TMEM131L: variants seen among roughly 807,000 people sequenced by gnomAD.
The protein encoded by TMEM131L is transmembrane 131 like, also known as transmembrane protein 131-like.
TMEM131L carries 54 observed loss-of-function variants against 192.2 expected under a neutral mutation model. The observed-to-expected ratio is 0.28, with a 90% CI of 0.23 to 0.35. The LOEUF is 0.35. Ranked by LOEUF, TMEM131L falls within the 10% of genes least tolerant of loss-of-function variation. The probability of loss-of-function intolerance (pLI) is 1.00; values close to 1 mark genes in which losing one functional copy is unlikely to be tolerated. For synonymous variants in TMEM131L, 701 were observed against 704.9 expected (o/e 0.99, Z 0.09); for missense variants, 1,888 against 1,972.9 (o/e 0.96, Z 0.82).
At chr4:153,543,532 T>C (rs1202742696) in intron 3 of TMEM131L, among the ~76,000 whole-genome samples, 1 of 152,212 alleles carries the variant, frequency 6.6e-6, no homozygotes, top group Non-Finnish European at 1.5e-5. Flanking sequence ...AGTGAGAGCC[T>C]GGGGAAGGCC....
chr4:153,544,060 C>T (rs183163271), intron 3 of TMEM131L, among the ~76,000 whole-genome samples: 9 of 151,490 alleles, frequency 5.9e-5, no homozygotes, highest in East Asian at 1.9e-4. Context: ...CAACATCCAG[C>T]GGCTAAAGCC....
chr4:153,473,853 T>C lies in TMEM131L; in HGVS notation c.204T>C (p.Ser68=). 1 of 1,543,968 alleles carries C rather than the reference T, an allele frequency of 6.5e-7. No individual in the cohort carries two copies. Among genetic ancestry groups the C allele is most frequent in the Non-Finnish European group, 8.7e-7 (1 of 1,144,164 alleles). Residue 68 remains serine (S), a synonymous_variant, in exon 3 of 35, where the codon TCT becomes TCC. Coordinates refer to ENST00000409959, the MANE Select transcript of TMEM131L (RefSeq NM_001131007.2). ...GELLLPTQGD[S]EEGLEEPSQE... Reference sequence around the variant, plus strand: ...ATGTTCTTTTTCAATAGGGTGATTCTGAAGAGGGTCTGGAGGAGCCTTCTC... The same window carrying C: ...ATGTTCTTTTTCAATAGGGTGATTCCGAAGAGGGTCTGGAGGAGCCTTCTC...
intron 2 of TMEM131L, among the ~76,000 whole-genome samples, chr4:153,468,098 G>T (rs1730894793): frequency 6.6e-6 from 1 of 152,146 alleles, no homozygotes; most frequent in South Asian, 2.1e-4. Flanking sequence ...TACTTCCCAC[G>T]GTGGTGGCAG....
At chr4:153,624,252 G>A (rs918259833) in intron 29 of TMEM131L, among the ~76,000 whole-genome samples, 12 of 151,970 alleles carry the variant, frequency 7.9e-5, no homozygotes, top group African/African-American at 2.9e-4. Flanking sequence ...CCAAGTAGCT[G>A]GGGTTACAGG....
chr4:153,632,569 T>TA, intron 31 of TMEM131L, 149 bp from the exon 32 acceptor site: 1 of 801,442 alleles, frequency 1.2e-6, no homozygotes, highest in Non-Finnish European at 2.0e-6. Context: ...ATTTCAGAAT[T>TA]ATATCCTGAA....
intron 20 of TMEM131L, 27 bp downstream of exon 20, chr4:153,596,412 G>C: frequency 6.2e-7 from 1 of 1,610,838 alleles, no homozygotes; most frequent in Non-Finnish European, 8.5e-7. Flanking sequence ...TGTAGAATCT[G>C]TTTCTTTCTC....
intron 3 of TMEM131L, among the ~76,000 whole-genome samples, chr4:153,489,956 C>T (rs996754254): frequency 6.6e-6 from 1 of 151,798 alleles, no homozygotes. Flanking sequence ...AAACTTGTTT[C>T]ATTATCAGTT....
Position 153,596,287 on chromosome 4 carries a change from C to T in TMEM131L, c.2025C>T (p.Gly675=), listed in dbSNP as rs369025691. The T allele has an allele frequency of 9.9e-6, 16 of 1,613,708 alleles. No homozygotes were observed. The African/African-American group carries it at 1.3e-4, about 13-fold the overall frequency. ...LGTHSEESRF[G]ILHLHLQPLE... is the part of the protein sequence containing the mutation. The stretch of plus-strand genomic sequence containing the variant: ...CGCATTCTGAGGAATCCAGGTTTGG[C>T]ATCCTCCACTTACATCTGCAGCCTT... The change falls in exon 20 of 35, where the codon GGC becomes GGT. Residue 675 remains glycine (G), a synonymous_variant. Coordinates refer to ENST00000409959, the MANE Select transcript of TMEM131L (RefSeq NM_001131007.2).
At chr4:153,519,180 G>A (rs1734941497) in intron 3 of TMEM131L, among the ~76,000 whole-genome samples, 1 of 152,134 alleles carries the variant, frequency 6.6e-6, no homozygotes, top group African/African-American at 2.4e-5. Context: ...GGTGTAGGCT[G>A]TGTGGGGTAC....
chr4:153,590,600 A>G (rs1180244534), intron 16 of TMEM131L, among the ~76,000 whole-genome samples: 1 of 152,224 alleles, frequency 6.6e-6, no homozygotes, highest in Non-Finnish European at 1.5e-5. Flanking sequence ...TGCCAGAATC[A>G]ATTGTTAGAC....
chr4:153,581,542 G>C lies in TMEM131L; in HGVS notation c.874G>C (p.Asp292His). Residue 292 changes from aspartate to histidine, a missense_variant, in exon 9 of 35, where the codon GAT becomes CAT. By Grantham distance (81) the Asp-to-His change is moderately conservative (BLOSUM62 -1). Coordinates refer to ENST00000409959, the MANE Select transcript of TMEM131L (RefSeq NM_001131007.2). ...DHLSIVYVAT[D>H]ESETSDDSAV... ...TCTCTCTATTGTTTACGTAGCTACA[G>C]ATGAATCTGAGACCTCAGGTAAGGT... 1 of 1,566,410 alleles carries C rather than the reference G, an allele frequency of 6.4e-7. No homozygotes were observed.
chr4:153,636,505 T>C lies in TMEM131L; in HGVS notation c.4762T>C (p.Trp1588Arg), dbSNP rs749534068. The change falls in exon 35 of 35, where the codon TGG becomes CGG. Residue 1588 changes from tryptophan (W) to arginine (R), a missense_variant. Physicochemically the swap from Trp to Arg is moderately radical, Grantham distance 101. Coordinates refer to ENST00000409959, the MANE Select transcript of TMEM131L (RefSeq NM_001131007.2). ...PFRAYMNLDI[W>R]TTTANRNANF... Reference sequence around the variant, plus strand: ...TCGCGCCTATATGAACCTGGACATATGGACTACCACAGCGAATAGGAATGC... The same window carrying C: ...TCGCGCCTATATGAACCTGGACATACGGACTACCACAGCGAATAGGAATGC... 31 of 1,614,094 alleles carry C rather than the reference T, an allele frequency of 1.9e-5. No individual in the cohort carries two copies. In the East Asian group the frequency reaches 2.2e-4, roughly 12 times the overall value.
intron 26 of TMEM131L, among the ~76,000 whole-genome samples, chr4:153,618,258 T>A (rs1167204898): frequency 1.3e-5 from 2 of 151,956 alleles, no homozygotes; most frequent in Non-Finnish European, 2.9e-5. Context: ...GAGAATCTCT[T>A]GAACCCAGGA....
chr4:153,548,918 T>C (rs1363728612), intron 3 of TMEM131L, among the ~76,000 whole-genome samples: 1 of 152,172 alleles, frequency 6.6e-6, no homozygotes, highest in Non-Finnish European at 1.5e-5. Flanking sequence ...GCTTGGTTGA[T>C]GGCTGCTCGG....
chr4:153,498,326 G>A (rs955992571), intron 3 of TMEM131L, among the ~76,000 whole-genome samples: 1 of 152,208 alleles, frequency 6.6e-6, no homozygotes, highest in African/African-American at 2.4e-5. Flanking sequence ...CTTACGGACA[G>A]AGAGGCAGGG....
At chr4:153,626,338 T>C (rs1733842228) in intron 30 of TMEM131L, 113 bp downstream of exon 30, 3 of 676,096 alleles carry the variant, frequency 4.4e-6, no homozygotes. Context: ...GAAAACTTTT[T>C]AAAGATGCAG....
chr4:153,585,689 A>G (rs1578803688), intron 13 of TMEM131L, 78 bp downstream of exon 13: 5 of 891,082 alleles, frequency 5.6e-6, no homozygotes, highest in East Asian at 3.1e-5. Flanking sequence ...AATTATTTCT[A>G]TAAAATAATA....
Position 153,467,279 on chromosome 4 carries a change from C to G in TMEM131L, c.193C>G (p.Gln65Glu), listed in dbSNP as rs774921314. Residue 65 changes from glutamine to glutamate, a missense_variant and splice_region_variant, in exon 2 of 35, where the codon CAG (glutamine) becomes GAG (glutamate). By Grantham distance (29) the Gln-to-Glu change is conservative. Transcript: ENST00000409959. ...AEEGELLLPT[Q>E]GDSEEGLEEP... ...AGAAGGGGAACTCCTGCTGCCCACT[C>G]AGGTGAGGACGACCAGGTGACAGGG... is the stretch of plus-strand genomic sequence containing the variant. The G allele has an allele frequency of 1.9e-6, 3 of 1,551,536 alleles. No individual in the cohort carries two copies. The highest frequency in any genetic ancestry group is 2.4e-5 in the South Asian group (2 of 84,066).
Position 153,591,099 on chromosome 4 carries a change from A to G in TMEM131L, c.1717A>G (p.Lys573Glu), listed in dbSNP as rs753583081. The G allele has an allele frequency of 9.3e-6, 15 of 1,607,554 alleles. No homozygotes were observed. The highest frequency in any genetic ancestry group is 1.3e-5 in the Non-Finnish European group (15 of 1,176,158). ...TCGATTTGCTCACTTGAAGAAATCC[A>G]AGGAGTCAGAGTCCTTTGTTTTCTT... Reference protein sequence around the residue: ...TTRFAHLKKSKESESFVFFLP... With the variant: ...TTRFAHLKKSEESESFVFFLP... Residue 573 changes from lysine (K) to glutamate (E), a missense_variant, in exon 17 of 35, where the codon AAG becomes GAG. Physicochemically the swap from Lys to Glu is moderately conservative, Grantham distance 56. Transcript: ENST00000409959.
Sources: allele counts gnomAD v4.1 joint callset (sites outside exome capture counted in the v4.1 genomes callset), GRCh38; gene constraint gnomAD v4.1.1; transcripts MANE v1.5; gene names NCBI Gene and HGNC (gene_info 2026-07-23, HGNC 2026-07-21).